The following NKAIN2 variants were observed in gnomAD, a reference collection of about 807,000 sequenced individuals.
NKAIN2 encodes the protein sodium/potassium-transporting ATPase subunit beta-1-interacting protein 2.
A neutral mutation model predicts 32.6 loss-of-function variants in NKAIN2; 14 were observed. The observed-to-expected ratio is 0.43, with a 90% CI of 0.28 to 0.67. NKAIN2 has a LOEUF of 0.67. Ranked by LOEUF, NKAIN2 falls within the 30% of genes least tolerant of loss-of-function variation. The pLI is 0.17. For synonymous variants in NKAIN2, 80 were observed against 87.2 expected, an observed-to-expected ratio of 0.92 and a Z score of 0.46; for missense variants, 198 against 258.3, an observed-to-expected ratio of 0.77 and a Z score of 1.60.
intron 4 of NKAIN2, 83 bp from the exon 5 acceptor site, chr6:124,791,256 C>T: frequency 1.0e-6 from 1 of 991,152 alleles, no homozygotes; most frequent in Non-Finnish European, 1.6e-6. Context: ...TTGTAAACTG[C>T]CTGACTTTGA....
At chr6:124,616,050 G>A (rs1782874329) in intron 3 of NKAIN2, among the ~76,000 whole-genome samples, 1 of 151,822 alleles carries the variant, frequency 6.6e-6, no homozygotes, top group African/African-American at 2.4e-5. Flanking sequence ...TGTGCATGTG[G>A]GTATAATTTG....
chr6:124,602,874 C>A (rs1051558042), intron 3 of NKAIN2, among the ~76,000 whole-genome samples: 1 of 151,908 alleles, frequency 6.6e-6, no homozygotes, highest in Admixed American at 6.6e-5. Flanking sequence ...CCACCATGAC[C>A]TTATCTGCAA....
At chr6:124,077,065 T>A (rs891610607) in intron 1 of NKAIN2, among the ~76,000 whole-genome samples, 9 of 152,194 alleles carry the variant, frequency 5.9e-5, no homozygotes. Context: ...ATAACAGTAG[T>A]TACCATCTGC....
At chr6:123,926,802 T>A (rs1776025717) in intron 1 of NKAIN2, among the ~76,000 whole-genome samples, 1 of 152,212 alleles carries the variant, frequency 6.6e-6, no homozygotes, top group Non-Finnish European at 1.5e-5. Flanking sequence ...CCTTACTGCT[T>A]AAACAGTTTG....
chr6:124,705,452 G>C (rs1043845441), intron 4 of NKAIN2, among the ~76,000 whole-genome samples: 13 of 152,068 alleles, frequency 8.5e-5, no homozygotes, highest in African/African-American at 3.1e-4. Flanking sequence ...GACTGATGTG[G>C]GGATAGTGAA....
chr6:124,805,364 T>C (rs1467193154), intron 5 of NKAIN2, among the ~76,000 whole-genome samples: 2 of 152,200 alleles, frequency 1.3e-5, no homozygotes, highest in Non-Finnish European at 2.9e-5. Context: ...ACACCGCTGC[T>C]GACACCCAGG....
intron 3 of NKAIN2, among the ~76,000 whole-genome samples, chr6:124,563,008 G>A (rs922812815): frequency 6.6e-6 from 1 of 150,940 alleles, no homozygotes; most frequent in Non-Finnish European, 1.5e-5. Flanking sequence ...AGGTTCAAGC[G>A]ATTCTCCTGC....
intron 1 of NKAIN2, among the ~76,000 whole-genome samples, chr6:124,056,015 A>G (rs1174876565): frequency 6.6e-6 from 1 of 151,988 alleles, no homozygotes; most frequent in Admixed American, 6.6e-5. Flanking sequence ...AGCATTTGCT[A>G]TGTTCTGATT....
At chr6:124,337,278 C>T (rs931710262) in intron 2 of NKAIN2, among the ~76,000 whole-genome samples, 1 of 152,160 alleles carries the variant, frequency 6.6e-6, no homozygotes, top group African/African-American at 2.4e-5. Context: ...GGGCAGATCC[C>T]TTGAGCTTAG....
At chr6:124,322,348 AG>A (rs1797233293) in intron 2 of NKAIN2, among the ~76,000 whole-genome samples, 1 of 152,208 alleles carries the variant, frequency 6.6e-6, no homozygotes, top group Non-Finnish European at 1.5e-5. Flanking sequence ...ACTAGTCCAA[AG>A]ATGCCCTGTA....
chr6:123,976,322 TATG>T (rs1405496871), intron 1 of NKAIN2, among the ~76,000 whole-genome samples: 905 of 58,752 alleles, frequency 0.015, 145 homozygotes, highest in East Asian at 0.039. Flanking sequence ...CATATATATA[TATG>T]TTCCCATATA....
At chr6:123,980,611 T>C (rs1778844000) in intron 1 of NKAIN2, among the ~76,000 whole-genome samples, 1 of 152,174 alleles carries the variant, frequency 6.6e-6, no homozygotes, top group African/African-American at 2.4e-5. Context: ...ACAGAAGGCA[T>C]TCTGTGATTC....
chr6:123,852,705 A>G (rs763274164), intron 1 of NKAIN2, among the ~76,000 whole-genome samples: 1 of 152,234 alleles, frequency 6.6e-6, no homozygotes, highest in Admixed American at 6.5e-5. Context: ...AACAACATAG[A>G]TGAACGTGGA....
At chr6:123,937,455 G>C (rs1776568594) in intron 1 of NKAIN2, among the ~76,000 whole-genome samples, 1 of 151,958 alleles carries the variant, frequency 6.6e-6, no homozygotes. Flanking sequence ...ACTTGAGATT[G>C]AGCCCATGCA....
intron 3 of NKAIN2, among the ~76,000 whole-genome samples, chr6:124,568,473 AT>A: frequency 6.6e-6 from 1 of 152,286 alleles, no homozygotes; most frequent in Non-Finnish European, 1.5e-5. Context: ...GGCTAATATT[AT>A]TTTCATTTAT....
At chr6:124,752,698 T>A (rs1777779836) in intron 4 of NKAIN2, among the ~76,000 whole-genome samples, 1 of 152,040 alleles carries the variant, frequency 6.6e-6, no homozygotes, top group Non-Finnish European at 1.5e-5. Context: ...TCAGCAGAGC[T>A]CATAGGCACA....
chr6:124,156,011 C>T (rs373667695), intron 1 of NKAIN2, among the ~76,000 whole-genome samples: 1 of 150,420 alleles, frequency 6.6e-6, no homozygotes, highest in East Asian at 1.9e-4. Context: ...CTCCACCTTA[C>T]ATCAAGTTTG....
intron 3 of NKAIN2, among the ~76,000 whole-genome samples, chr6:124,432,516 G>T (rs1775261706): frequency 2.0e-5 from 3 of 152,112 alleles, no homozygotes; most frequent in Admixed American, 6.5e-5. Context: ...GCTGAGGAGG[G>T]AGGATCACTT....
chr6:124,739,848 A>C (rs1394977797), intron 4 of NKAIN2, among the ~76,000 whole-genome samples: 1 of 151,874 alleles, frequency 6.6e-6, no homozygotes, highest in Non-Finnish European at 1.5e-5. Context: ...CATCTAAAGA[A>C]ACTTAATGAT....
Sources: gnomAD v4.1 joint callset for allele counts (sites outside exome capture counted in the v4.1 genomes callset) on GRCh38, gnomAD v4.1.1 for gene constraint, MANE v1.5 for transcripts, NCBI Gene and HGNC (gene_info 2026-07-23, HGNC 2026-07-21) for gene names.